Variants in PIBF1 observed in about 807,000 individuals in gnomAD.
The protein encoded by PIBF1 is progesterone-induced-blocking factor 1.
A neutral mutation model predicts 112.5 loss-of-function variants in PIBF1; 90 were observed. That is an observed-to-expected ratio of 0.80 (90% CI 0.67 to 0.95). The LOEUF (loss-of-function observed/expected upper bound fraction) is 0.95. PIBF1 is among the 40% of genes least tolerant of loss of function. The pLI, the probability that PIBF1 is intolerant of heterozygous loss-of-function variation, is 0.00. For missense variants in PIBF1, 915 were observed against 852.3 expected (o/e 1.07, Z -0.92); for synonymous variants, 301 against 288.6 (o/e 1.04, Z -0.44).
chr13:72,880,124 C>T (rs1466580357), intron 10 of PIBF1, among the ~76,000 whole-genome samples: 1 of 152,148 alleles, frequency 6.6e-6, no homozygotes, highest in Non-Finnish European at 1.5e-5. Context: ...TCAATGCTTT[C>T]GAGATATCAG....
intron 10 of PIBF1, among the ~76,000 whole-genome samples, chr13:72,892,048 C>CT (rs1439528862): frequency 6.6e-6 from 1 of 151,938 alleles, no homozygotes. Flanking sequence ...TAGGGAGTGA[C>CT]TAATGAACAT....
At chr13:72,833,075 G>A (rs909440846) in intron 8 of PIBF1, among the ~76,000 whole-genome samples, 2 of 152,116 alleles carry the variant, frequency 1.3e-5, no homozygotes, top group Non-Finnish European at 2.9e-5. Flanking sequence ...TGAAACTTGT[G>A]TATGCTTCTT....
At chr13:72,820,794 T>C (rs1190865024) in intron 5 of PIBF1, among the ~76,000 whole-genome samples, 1 of 151,934 alleles carries the variant, frequency 6.6e-6, no homozygotes, top group Non-Finnish European at 1.5e-5. Context: ...GAAGGTGGAG[T>C]TGATGATTGG....
At position 72,951,560 on chromosome 13, in the gene PIBF1, A is replaced by C. The variant is rs138308701; in HGVS notation, c.1834-13714A>C. On this transcript the variant is annotated intron_variant, in intron 14 of 17. Transcript: ENST00000326291. ...GAAAAGGTAACGTTTAAAAATAGGCAAAGACAATCTGAAAGGGCTACGTAC... is the reference window on the plus strand; with the variant it reads ...GAAAAGGTAACGTTTAAAAATAGGCCAAGACAATCTGAAAGGGCTACGTAC... Among the ~76,000 whole-genome samples the C allele has an allele frequency of 1.3e-3, 193 of 152,308 alleles. 1 individual carries two copies. The East Asian group carries it at 0.013, about 10-fold the overall frequency.
chr13:72,963,316 G>A lies in PIBF1; in HGVS notation c.1834-1958G>A, dbSNP rs868524221. ...TGTGAGTTAAAGGAGATTATCAGCC[G>A]GACCCAATGGCTCATGCCTGTAATC... On this transcript the variant is annotated intron_variant, in intron 14 of 17. Transcript: ENST00000326291. Among the ~76,000 whole-genome samples, 7 of 152,092 alleles carry A rather than the reference G, an allele frequency of 4.6e-5. No individual in the cohort carries two copies. In the East Asian group the frequency reaches 9.6e-4, roughly 21 times the overall value.
intron 14 of PIBF1, among the ~76,000 whole-genome samples, chr13:72,949,174 G>A (rs2042227510): frequency 6.6e-6 from 1 of 151,980 alleles, no homozygotes; most frequent in South Asian, 2.1e-4. Flanking sequence ...TTCACTAAGT[G>A]ATTAAGCTTT....
chr13:72,927,996 C>CACAT (rs2041564523), intron 13 of PIBF1, among the ~76,000 whole-genome samples: 1 of 76,118 alleles, frequency 1.3e-5, no homozygotes, highest in Non-Finnish European at 2.7e-5. Flanking sequence ...TATACACACA[C>CACAT]ATATATATAC....
chr13:72,817,199 CATTTATTAAAG>C (rs1482032505), intron 5 of PIBF1, among the ~76,000 whole-genome samples: 1 of 152,088 alleles, frequency 6.6e-6, no homozygotes, highest in Admixed American at 6.6e-5. Context: ...AGGAGTTGTT[CATTTATTAAAG>C]ATTTATTTTG....
chr13:72,894,470 T>A (rs1047740783), intron 11 of PIBF1, among the ~76,000 whole-genome samples: 1 of 151,958 alleles, frequency 6.6e-6, no homozygotes, highest in Non-Finnish European at 1.5e-5. Context: ...TATATCACAT[T>A]TTAAAGTGTG....
intron 8 of PIBF1, among the ~76,000 whole-genome samples, chr13:72,833,950 G>C (rs1566332011): frequency 6.6e-6 from 1 of 152,114 alleles, no homozygotes; most frequent in South Asian, 2.1e-4. Context: ...TTTTTAAAAA[G>C]ACACTGTGGT....
intron 6 of PIBF1, among the ~76,000 whole-genome samples, chr13:72,823,612 G>A (rs964800281): frequency 6.6e-6 from 1 of 152,052 alleles, no homozygotes; most frequent in South Asian, 2.1e-4. Flanking sequence ...AAGGAAACAG[G>A]TGTATGGATG....
At chr13:72,892,916 G>C (rs149246862) in intron 10 of PIBF1, among the ~76,000 whole-genome samples, 1 of 151,850 alleles carries the variant, frequency 6.6e-6, no homozygotes, top group Non-Finnish European at 1.5e-5. Flanking sequence ...TTGAATTTTC[G>C]TGTTTATTTG....
intron 11 of PIBF1, among the ~76,000 whole-genome samples, chr13:72,908,323 G>A (rs1292743839): frequency 1.3e-5 from 2 of 151,594 alleles, no homozygotes; most frequent in African/African-American, 4.8e-5. Context: ...TAAGGATAAG[G>A]TACTTCATAA....
chr13:72,986,676 CTTTTT>C (rs765529786), intron 16 of PIBF1, among the ~76,000 whole-genome samples: 2,262 of 89,026 alleles, frequency 0.025, 16 homozygotes, highest in African/African-American at 0.061. Context: ...TTTCTGTCAT[CTTTTT>C]TTTTTTTTTT....
intron 5 of PIBF1, among the ~76,000 whole-genome samples, chr13:72,814,669 T>A (rs2036184790): frequency 6.6e-6 from 1 of 151,914 alleles, no homozygotes; most frequent in African/African-American, 2.4e-5. Context: ...CATTTTTATA[T>A]CAAAATTCTT....
At chr13:72,880,263 T>C (rs1257618541) in intron 10 of PIBF1, among the ~76,000 whole-genome samples, 1 of 152,232 alleles carries the variant, frequency 6.6e-6, no homozygotes, top group Non-Finnish European at 1.5e-5. Flanking sequence ...AATTCTGTGC[T>C]TCCAAAATTC....
In PIBF1 at chr13:72,908,568, C is replaced by G; in HGVS notation, c.1526C>G (p.Ser509Cys). 2 of 1,612,470 alleles carry G rather than the reference C, an allele frequency of 1.2e-6. No individual in the cohort carries two copies. The highest frequency in any genetic ancestry group is 1.7e-6 in the Non-Finnish European group (2 of 1,178,954). ...TKEFYSLQAS[S>C]EKRITELQAQ... is the part of the protein sequence containing the mutation. The stretch of plus-strand genomic sequence containing the variant: ...GAATTTTATAGTCTCCAAGCCTCTT[C>G]TGAAAAACGCATTACTGAACTTCAA... The change falls in exon 12 of 18, where the codon TCT (serine) becomes TGT (cysteine). Residue 509 changes from serine to cysteine, a missense_variant. Physicochemically the swap from Ser to Cys is moderately radical, Grantham distance 112 (BLOSUM62 -1). Coordinates refer to ENST00000326291, the MANE Select transcript of PIBF1 (RefSeq NM_006346.4).
At chr13:72,796,482 CTA>C (rs2035205341) in intron 4 of PIBF1, among the ~76,000 whole-genome samples, 1 of 152,042 alleles carries the variant, frequency 6.6e-6, no homozygotes, top group Non-Finnish European at 1.5e-5. Flanking sequence ...AAGACTATAA[CTA>C]TGTATGTAAA....
In PIBF1 at chr13:72,923,420, A is replaced by C. The variant is rs74868631; in HGVS notation, c.1730+6254A>C. 6.4e-3 allele frequency among the ~76,000 whole-genome samples: 972 copies of C among 152,356 alleles called. 13 individuals are homozygous for C. The highest frequency in any genetic ancestry group is 0.022 in the African/African-American group (902 of 41,576). On this transcript the variant is annotated intron_variant, in intron 13 of 17. Transcript: ENST00000326291. ...AAGTAACAGGTGAAATTTTGGTTTA[A>C]TATTTAGGTGTACAACCAATATACT...
Sources: allele counts gnomAD v4.1 joint callset (sites outside exome capture counted in the v4.1 genomes callset), GRCh38; gene constraint gnomAD v4.1.1; transcripts MANE v1.5; gene names NCBI Gene and HGNC (gene_info 2026-07-23, HGNC 2026-07-21).